TOM1L2: variants seen among roughly 807,000 people sequenced by gnomAD.
TOM1L2 encodes the protein target of myb1 like 2 membrane trafficking protein.
Under a neutral mutation model 67.9 loss-of-function variants are expected in TOM1L2, and 31 were observed. That is an observed-to-expected ratio of 0.46 (90% CI 0.34 to 0.62). TOM1L2 has a LOEUF of 0.62. TOM1L2 is among the 20% of genes least tolerant of loss of function. The probability of loss-of-function intolerance (pLI) is 0.01; values close to 1 mark genes in which losing one functional copy is unlikely to be tolerated. For missense variants in TOM1L2, 606 were observed against 663.5 expected (o/e 0.91, Z 0.95); for synonymous variants, 256 against 254.0 (o/e 1.01, Z -0.07).
At chr17:17,948,479 T>C (rs2041048400) in intron 1 of TOM1L2, among the ~76,000 whole-genome samples, 2 of 152,142 alleles carry the variant, frequency 1.3e-5, no homozygotes, top group Admixed American at 1.3e-4. Context: ...AAACCCCGTC[T>C]CTACTAAAAA....
chr17:17,874,904 G>A (rs2037343683), intron 7 of TOM1L2, among the ~76,000 whole-genome samples: 1 of 152,202 alleles, frequency 6.6e-6, no homozygotes, highest in African/African-American at 2.4e-5. Context: ...ATTTCCAGGG[G>A]TCTCTGCACA....
intron 10 of TOM1L2, among the ~76,000 whole-genome samples, chr17:17,864,457 G>A (rs1365201066): frequency 2.0e-5 from 3 of 151,240 alleles, no homozygotes; most frequent in African/African-American, 4.9e-5. Context: ...TGATCCACCC[G>A]CCTCGGCCTC....
intron 7 of TOM1L2, among the ~76,000 whole-genome samples, 188 bp downstream of exon 7, chr17:17,879,435 AAGAC>A (rs1319500903): frequency 1.3e-5 from 2 of 152,218 alleles, no homozygotes; most frequent in African/African-American, 4.8e-5. Flanking sequence ...GAAAATAAAA[AAGAC>A]AGACAGTGGT....
chr17:17,885,043 C>T (rs1264967684), intron 4 of TOM1L2, among the ~76,000 whole-genome samples: 1 of 152,218 alleles, frequency 6.6e-6, no homozygotes, highest in Non-Finnish European at 1.5e-5. Flanking sequence ...AGAAATAACA[C>T]CTATGCACGG....
At chr17:17,873,864 C>T in intron 7 of TOM1L2, among the ~76,000 whole-genome samples, 1 of 152,196 alleles carries the variant, frequency 6.6e-6, no homozygotes, top group Non-Finnish European at 1.5e-5. Context: ...GCTGAGGCTG[C>T]TCTGCTTTTC....
intron 1 of TOM1L2, among the ~76,000 whole-genome samples, chr17:17,942,541 C>T (rs1324531347): frequency 1.3e-5 from 2 of 152,038 alleles, no homozygotes; most frequent in South Asian, 2.1e-4. Flanking sequence ...TATTATGGGC[C>T]GATATGTATG....
intron 1 of TOM1L2, among the ~76,000 whole-genome samples, chr17:17,945,010 C>T (rs377278051): frequency 1.2e-4 from 19 of 152,322 alleles, no homozygotes; most frequent in African/African-American, 3.6e-4. Context: ...CCACACTAAT[C>T]CTTCATCCTC....
chr17:17,926,147 G>A (rs1471506069), intron 1 of TOM1L2, among the ~76,000 whole-genome samples: 1 of 151,304 alleles, frequency 6.6e-6, no homozygotes, highest in African/African-American at 2.4e-5. Flanking sequence ...TTCTAGCCTG[G>A]GGGACAGAGT....
In TOM1L2 at chr17:17,890,778, ACATGTTC is replaced by A. The variant is rs1429303869; in HGVS notation, c.366+2876_366+2882del. On this transcript the variant is annotated intron_variant, in intron 4 of 14. Coordinates refer to ENST00000379504, the MANE Select transcript of TOM1L2 (RefSeq NM_001082968.2). Reference sequence around the variant, plus strand: ...CTGTTTCTAGATGCAGGGGCTGGTTACATGTTCAGTTTGTGAAAATTTATCAAGTTGT... The same window carrying A: ...CTGTTTCTAGATGCAGGGGCTGGTTAAGTTTGTGAAAATTTATCAAGTTGT... Among the ~76,000 whole-genome samples, 3 of 152,340 alleles carry A rather than the reference ACATGTTC, an allele frequency of 2.0e-5. No individual in the cohort carries two copies. The East Asian group carries it at 5.8e-4, about 29-fold the overall frequency.
chr17:17,850,339 T>A (rs897398742), intron 13 of TOM1L2, among the ~76,000 whole-genome samples: 1 of 152,118 alleles, frequency 6.6e-6, no homozygotes, highest in African/African-American at 2.4e-5. Flanking sequence ...ATGCATAGTA[T>A]CCTCATCTTC....
In TOM1L2 at chr17:17,852,864, T is replaced by TAA. The variant is rs552138706; in HGVS notation, c.1279-1914_1279-1913dup. 5.3e-3 allele frequency among the ~76,000 whole-genome samples: 199 copies of TAA among 37,734 alleles called. 12 individuals carry two copies. The highest frequency in any genetic ancestry group is 0.018 in the African/African-American group (173 of 9,830). 24.8% of individuals were successfully genotyped at this position (37,734 alleles called of 152,430 possible). On this transcript the variant is annotated intron_variant, in intron 12 of 14. Coordinates refer to ENST00000379504, the MANE Select transcript of TOM1L2 (RefSeq NM_001082968.2). Reference sequence around the variant, plus strand: ...TGGGCAACAAGACTGAAACTCTGTCTAAAAAAAAAAAAAAAAAAAAAAAAA... The same window carrying TAA: ...TGGGCAACAAGACTGAAACTCTGTCTAAAAAAAAAAAAAAAAAAAAAAAAAAA...
chr17:17,865,742 C>CTTTTTTT (rs35408977), intron 10 of TOM1L2, among the ~76,000 whole-genome samples: 1 of 103,538 alleles, frequency 9.7e-6, no homozygotes. Flanking sequence ...GGTGACCTTT[C>CTTTTTTT]TTTTTTTTTT....
At chr17:17,903,372 C>T (rs1328589181) in intron 2 of TOM1L2, among the ~76,000 whole-genome samples, 1 of 152,090 alleles carries the variant, frequency 6.6e-6, no homozygotes, top group Non-Finnish European at 1.5e-5. Flanking sequence ...GCCTGTAATC[C>T]CAGCACTTTG....
chr17:17,943,377 G>C (rs2040814007), intron 1 of TOM1L2, among the ~76,000 whole-genome samples: 1 of 152,224 alleles, frequency 6.6e-6, no homozygotes, highest in Non-Finnish European at 1.5e-5. Flanking sequence ...GGGTCAGATA[G>C]TGGCAGACCA....
At chr17:17,923,875 C>G (rs935238417) in intron 1 of TOM1L2, among the ~76,000 whole-genome samples, 16 of 151,906 alleles carry the variant, frequency 1.1e-4, no homozygotes, top group African/African-American at 3.6e-4. Context: ...CGGTGGCTGT[C>G]GCCTGTAATC....
At chr17:17,903,710 C>T (rs982603191) in intron 2 of TOM1L2, among the ~76,000 whole-genome samples, 6 of 151,512 alleles carry the variant, frequency 4.0e-5, no homozygotes, top group Admixed American at 6.6e-5. Context: ...CAGACACTAA[C>T]AACCGTCCCA....
chr17:17,969,168 T>G (rs985314913), intron 1 of TOM1L2, among the ~76,000 whole-genome samples: 7 of 151,734 alleles, frequency 4.6e-5, no homozygotes, highest in African/African-American at 1.7e-4. Flanking sequence ...GCGATTCTCC[T>G]GTCTCAGCCT....
chr17:17,912,280 G>A (rs1350315159), intron 1 of TOM1L2, among the ~76,000 whole-genome samples: 47 of 147,192 alleles, frequency 3.2e-4, no homozygotes, highest in East Asian at 1.6e-3. Flanking sequence ...GGCCGGGCGG[G>A]GGGCTGACCC....
At chr17:17,901,671 T>C (rs1426922343) in intron 2 of TOM1L2, among the ~76,000 whole-genome samples, 2 of 152,348 alleles carry the variant, frequency 1.3e-5, no homozygotes, top group African/African-American at 2.4e-5. Flanking sequence ...TCTTGCTCTA[T>C]TGCATGTCTT....
Sources: gnomAD v4.1 joint callset for allele counts (sites outside exome capture counted in the v4.1 genomes callset) on GRCh38, gnomAD v4.1.1 for gene constraint, MANE v1.5 for transcripts, NCBI Gene and HGNC (gene_info 2026-07-23, HGNC 2026-07-21) for gene names.